ALOX5AP: variants seen among roughly 807,000 people sequenced by gnomAD.
ALOX5AP encodes the protein arachidonate 5-lipoxygenase activating protein, also known as arachidonate 5-lipoxygenase-activating protein.
In ALOX5AP, 9 loss-of-function variants were observed where a neutral mutation model predicts 18.5. That is an observed-to-expected ratio of 0.49 (90% CI 0.29 to 0.85). The LOEUF (loss-of-function observed/expected upper bound fraction) is 0.85. Among genes scored for constraint, ALOX5AP ranks in the 40% least tolerant of loss-of-function variants. The pLI is 0.08. For synonymous variants in ALOX5AP, 81 were observed against 78.6 expected, an observed-to-expected ratio of 1.03 and a Z score of -0.16; for missense variants, 172 against 202.5, an observed-to-expected ratio of 0.85 and a Z score of 0.91.
chr13:30,736,002 G>T (rs568768837), intron 1 of ALOX5AP, among the ~76,000 whole-genome samples: 2 of 152,282 alleles, frequency 1.3e-5, no homozygotes, highest in South Asian at 4.1e-4. Flanking sequence ...GCCAGGCAAG[G>T]GGTGGAAGGT....
chr13:30,740,877 C>T (rs1367888435), intron 1 of ALOX5AP, among the ~76,000 whole-genome samples: 1 of 151,980 alleles, frequency 6.6e-6, no homozygotes, highest in Non-Finnish European at 1.5e-5. Context: ...GGAAGGGGCT[C>T]GGTTCTCTGA....
At chr13:30,760,217 C>T (rs1247461369) in intron 4 of ALOX5AP, among the ~76,000 whole-genome samples, 2 of 151,634 alleles carry the variant, frequency 1.3e-5, no homozygotes, top group African/African-American at 4.9e-5. Context: ...GTTTTCTGTT[C>T]CTACCTCGTA....
At chr13:30,720,033 C>T (rs1164738649) in intron 1 of ALOX5AP, among the ~76,000 whole-genome samples, 2 of 152,022 alleles carry the variant, frequency 1.3e-5, no homozygotes, top group Non-Finnish European at 2.9e-5. Context: ...AGATAATTTT[C>T]GTATTTTTAG....
chr13:30,734,364 A>G (rs1248681001), upstream of ALOX5AP, among the ~76,000 whole-genome samples: 1 of 151,780 alleles, frequency 6.6e-6, no homozygotes, highest in Non-Finnish European at 1.5e-5. Context: ...CCCTACACTG[A>G]CCTCTTCCGT....
At chr13:30,713,793 A>G (rs1397673052) in exon 1 of ALOX5AP, 1 of 1,535,724 alleles carries the variant, frequency 6.5e-7, no homozygotes, top group Admixed American at 2.0e-5. Flanking sequence ...GAATTTGGGA[A>G]ATCCTTTGGC....
chr13:30,745,878 ACTT>A (rs1473287039), intron 2 of ALOX5AP, among the ~76,000 whole-genome samples: 1 of 152,152 alleles, frequency 6.6e-6, no homozygotes, highest in African/African-American at 2.4e-5. Flanking sequence ...GGAAAGAAAA[ACTT>A]CTGCCAGGTG....
chr13:30,745,194 A>G (rs1027268079), intron 2 of ALOX5AP, among the ~76,000 whole-genome samples: 1 of 151,904 alleles, frequency 6.6e-6, no homozygotes, highest in Admixed American at 6.6e-5. Flanking sequence ...TCACTGATAT[A>G]CTCTCTCTTC....
At chr13:30,747,159 G>T (rs566735363) in intron 2 of ALOX5AP, among the ~76,000 whole-genome samples, 1 of 152,300 alleles carries the variant, frequency 6.6e-6, no homozygotes, top group African/African-American at 2.4e-5. Context: ...CTCTGTTCAC[G>T]TGTATATTTT....
chr13:30,762,587 CAA>C (rs539920282), intron 4 of ALOX5AP, among the ~76,000 whole-genome samples: 3 of 100,854 alleles, frequency 3.0e-5, no homozygotes, highest in Non-Finnish European at 2.0e-5. Context: ...GACTCAGTCT[CAA>C]AAAAAAAAAA....
At chr13:30,725,607 T>C (rs563323469) in intron 1 of ALOX5AP, among the ~76,000 whole-genome samples, 24 of 152,256 alleles carry the variant, frequency 1.6e-4, no homozygotes, top group African/African-American at 5.3e-4. Context: ...GTTGATTACA[T>C]TGGACCATTT....
intron 4 of ALOX5AP, among the ~76,000 whole-genome samples, chr13:30,760,757 G>A (rs1478966759): frequency 6.6e-6 from 1 of 152,176 alleles, no homozygotes; most frequent in Non-Finnish European, 1.5e-5. Context: ...GCCCCCATAG[G>A]ATGGCTGTGA....
intron 2 of ALOX5AP, 128 bp downstream of exon 2, chr13:30,744,287 G>A: frequency 1.2e-6 from 1 of 801,868 alleles, no homozygotes; most frequent in Non-Finnish European, 2.0e-6. Flanking sequence ...GGGAGGTGAG[G>A]AAGGTTGGAC....
At chr13:30,761,428 C>T (rs778508142) in intron 4 of ALOX5AP, among the ~76,000 whole-genome samples, 7 of 152,196 alleles carry the variant, frequency 4.6e-5, no homozygotes, top group Non-Finnish European at 8.8e-5. Context: ...TGGCCTCATT[C>T]GTGTGATAAA....
At chr13:30,715,781 T>G (rs903279743) in intron 1 of ALOX5AP, among the ~76,000 whole-genome samples, 1 of 149,388 alleles carries the variant, frequency 6.7e-6, no homozygotes, top group Non-Finnish European at 1.5e-5. Context: ...GGGCTTCTGG[T>G]TTTTTTTCTT....
At chr13:30,742,466 T>A (rs901095781) in intron 1 of ALOX5AP, 4 of 152,234 alleles carry the variant, frequency 2.6e-5, no homozygotes, top group Non-Finnish European at 4.4e-5. Context: ...TCTGGAAAGT[T>A]GCAGCGTTCT....
chr13:30,754,871 A>G (rs1238605817), intron 3 of ALOX5AP, among the ~76,000 whole-genome samples: 1 of 152,160 alleles, frequency 6.6e-6, no homozygotes, highest in African/African-American at 2.4e-5. Flanking sequence ...ACAGTAACAC[A>G]CTCCTTACCA....
intron 3 of ALOX5AP, among the ~76,000 whole-genome samples, chr13:30,755,634 GC>G (rs1219508871): frequency 6.6e-6 from 1 of 152,004 alleles, no homozygotes; most frequent in Non-Finnish European, 1.5e-5. Context: ...AAAAAACGTT[GC>G]AAAAAAAATC....
At chr13:30,740,758 T>C (rs1264832676) in intron 1 of ALOX5AP, among the ~76,000 whole-genome samples, 3 of 152,050 alleles carry the variant, frequency 2.0e-5, no homozygotes, top group Non-Finnish European at 2.9e-5. Flanking sequence ...GGAGAGAATA[T>C]GATATTAAAG....
intron 2 of ALOX5AP, among the ~76,000 whole-genome samples, chr13:30,750,203 A>G (rs1012381723): frequency 6.6e-6 from 1 of 152,166 alleles, no homozygotes; most frequent in African/African-American, 2.4e-5. Context: ...ACCTTCGACC[A>G]TGGACTGTGA....
Sources: gnomAD v4.1 joint callset for allele counts (sites outside exome capture counted in the v4.1 genomes callset) on GRCh38, gnomAD v4.1.1 for gene constraint, MANE v1.5 for transcripts, NCBI Gene and HGNC (gene_info 2026-07-23, HGNC 2026-07-21) for gene names.